NRG3: variants seen among roughly 807,000 people sequenced by gnomAD.
NRG3 encodes pro-neuregulin-3, membrane-bound isoform.
A neutral mutation model predicts 66.9 loss-of-function variants in NRG3; 31 were observed. The observed-to-expected ratio is 0.46, with a 90% CI of 0.35 to 0.63. The LOEUF (loss-of-function observed/expected upper bound fraction) is 0.63. Ranked by LOEUF, NRG3 falls within the 20% of genes least tolerant of loss-of-function variation. The pLI is 0.00. For missense variants in NRG3, 910 were observed against 878.9 expected (o/e 1.04, Z -0.45); for synonymous variants, 393 against 359.4 (o/e 1.09, Z -1.06).
In NRG3 at chr10:82,516,863, A is replaced by G. The variant is rs1016318857; in HGVS notation, c.953+157995A>G. On this transcript the variant is annotated intron_variant, in intron 2 of 8. Transcript: ENST00000372141. ...TGGAAAGGAAAAATATATGATGTCA[A>G]ACTCAACCCACTGAATGCCAAAAAT... 2.6e-5 allele frequency among the ~76,000 whole-genome samples: 4 copies of G among 152,292 alleles called. No individual in the cohort carries two copies. In the East Asian group the frequency reaches 5.8e-4, roughly 22 times the overall value.
chr10:82,547,848 A>G (rs532556779), intron 2 of NRG3, among the ~76,000 whole-genome samples: 1 of 152,194 alleles, frequency 6.6e-6, no homozygotes, highest in South Asian at 2.1e-4. Flanking sequence ...TTAAGTATGT[A>G]CAATTAGTAA....
chr10:82,367,014 A>T (rs2084577450), intron 2 of NRG3, among the ~76,000 whole-genome samples: 1 of 152,224 alleles, frequency 6.6e-6, no homozygotes, highest in African/African-American at 2.4e-5. Flanking sequence ...GTTCGACTCT[A>T]CCTAGACAGT....
intron 1 of NRG3, among the ~76,000 whole-genome samples, chr10:82,068,435 T>C (rs2064614296): frequency 6.6e-6 from 1 of 152,222 alleles, no homozygotes; most frequent in Non-Finnish European, 1.5e-5. Context: ...GGCTCTGTAT[T>C]AGGTACCCAT....
chr10:82,905,822 G>A (rs1844682915), intron 4 of NRG3, among the ~76,000 whole-genome samples: 1 of 152,224 alleles, frequency 6.6e-6, no homozygotes, highest in African/African-American at 2.4e-5. Context: ...GATGCACTGA[G>A]GGATTGCTCT....
At chr10:82,822,021 T>C (rs1285760157) in intron 3 of NRG3, among the ~76,000 whole-genome samples, 2 of 152,268 alleles carry the variant, frequency 1.3e-5, no homozygotes, top group Non-Finnish European at 2.9e-5. Flanking sequence ...GCAGCCAGTA[T>C]GGTCTTCGGT....
chr10:82,717,840 T>A (rs111751839), intron 2 of NRG3, among the ~76,000 whole-genome samples: 22 of 151,068 alleles, frequency 1.5e-4, no homozygotes, highest in African/African-American at 5.2e-4. Context: ...TGTATGGTTC[T>A]ATTGAAAAGT....
intron 2 of NRG3, among the ~76,000 whole-genome samples, chr10:82,708,069 T>C (rs1358381870): frequency 6.6e-6 from 1 of 152,074 alleles, no homozygotes. Context: ...CATGTTTGGG[T>C]ACTGTTAGTG....
At chr10:82,281,137 ATT>A (rs1353315245) in intron 1 of NRG3, among the ~76,000 whole-genome samples, 5 of 152,086 alleles carry the variant, frequency 3.3e-5, no homozygotes, top group Non-Finnish European at 2.9e-5. Context: ...ACATGCTGCA[ATT>A]TTTACCAAGT....
chr10:82,940,723 C>T (rs961053333), intron 4 of NRG3, among the ~76,000 whole-genome samples: 2 of 152,058 alleles, frequency 1.3e-5, no homozygotes, highest in African/African-American at 2.4e-5. Context: ...TTGTTGTACC[C>T]TCACATGGTA....
chr10:82,098,054 TACACAC>T (rs61481796), intron 1 of NRG3, among the ~76,000 whole-genome samples: 15,001 of 146,698 alleles, frequency 0.1, 1,062 homozygotes, highest in African/African-American at 0.2. Flanking sequence ...GCCACATATA[TACACAC>T]ACACACACAC....
chr10:82,975,475 T>G (rs1045297437), intron 7 of NRG3, among the ~76,000 whole-genome samples: 1 of 152,300 alleles, frequency 6.6e-6, no homozygotes, highest in Middle Eastern at 3.4e-3. Flanking sequence ...CTATGGTGTC[T>G]AGGAGTCACT....
At chr10:82,561,253 C>T (rs1392526371) in intron 2 of NRG3, among the ~76,000 whole-genome samples, 3 of 152,102 alleles carry the variant, frequency 2.0e-5, no homozygotes, top group Non-Finnish European at 2.9e-5. Flanking sequence ...CACCTTCCAC[C>T]GTAAATGGCC....
intron 2 of NRG3, among the ~76,000 whole-genome samples, chr10:82,416,097 A>T (rs1048844546): frequency 9.9e-5 from 15 of 152,208 alleles, no homozygotes; most frequent in Non-Finnish European, 1.8e-4. Context: ...AAAGTATACC[A>T]CATCAGCTGT....
At chr10:82,726,631 C>T (rs1429124084) in intron 2 of NRG3, among the ~76,000 whole-genome samples, 1 of 152,082 alleles carries the variant, frequency 6.6e-6, no homozygotes, top group Middle Eastern at 3.2e-3. Context: ...TGTAAATTGC[C>T]CAGTCTCGGG....
intron 1 of NRG3, among the ~76,000 whole-genome samples, chr10:82,117,447 TA>T (rs1246947525): frequency 1.3e-5 from 2 of 152,202 alleles, no homozygotes; most frequent in Admixed American, 1.3e-4. Flanking sequence ...TCTTTTAATT[TA>T]ATTCTTATCA....
intron 3 of NRG3, among the ~76,000 whole-genome samples, chr10:82,839,284 A>G (rs1198639376): frequency 2.0e-5 from 3 of 152,174 alleles, no homozygotes; most frequent in South Asian, 4.1e-4. Context: ...TCAGCTAGTA[A>G]CAAGTGCTTT....
At chr10:82,135,190 A>G (rs1052861762) in intron 1 of NRG3, among the ~76,000 whole-genome samples, 3 of 150,916 alleles carry the variant, frequency 2.0e-5, no homozygotes, top group Non-Finnish European at 4.4e-5. Context: ...TAGGGTTTCC[A>G]CTGAGAATTC....
chr10:81,927,941 A>G (rs1846969430), intron 1 of NRG3, among the ~76,000 whole-genome samples: 1 of 152,204 alleles, frequency 6.6e-6, no homozygotes, highest in African/African-American at 2.4e-5. Flanking sequence ...TAAGATACCA[A>G]ATTCCAACCT....
chr10:82,294,083 G>A (rs1035881845), intron 1 of NRG3, among the ~76,000 whole-genome samples: 1 of 152,038 alleles, frequency 6.6e-6, no homozygotes, highest in African/African-American at 2.4e-5. Context: ...CCCATCCTAT[G>A]CTCTCCCTCA....
Sources: allele counts gnomAD v4.1 joint callset (sites outside exome capture counted in the v4.1 genomes callset), GRCh38; gene constraint gnomAD v4.1.1; transcripts MANE v1.5; gene names NCBI Gene and HGNC (gene_info 2026-07-23, HGNC 2026-07-21).